The following ATP6V1H variants were observed in gnomAD, a reference collection of about 807,000 sequenced individuals.
The protein encoded by ATP6V1H is V-type proton ATPase subunit H.
In ATP6V1H, 39 loss-of-function variants were observed where a neutral mutation model predicts 71.7. The ratio of observed to expected loss-of-function variants is 0.54; its 90% CI spans 0.42 to 0.71. The LOEUF (loss-of-function observed/expected upper bound fraction) is 0.71. Ranked by LOEUF, ATP6V1H falls within the 30% of genes least tolerant of loss-of-function variation. The pLI, the probability that ATP6V1H is intolerant of heterozygous loss-of-function variation, is 0.00. For synonymous variants in ATP6V1H, 192 were observed against 199.3 expected (o/e 0.96, Z 0.31); for missense variants, 509 against 594.9 (o/e 0.86, Z 1.50).
At chr8:53,829,660 G>A (rs963294601) in intron 3 of ATP6V1H, 127 bp from the exon 4 acceptor site, 9 of 581,004 alleles carry the variant, frequency 1.5e-5, no homozygotes, top group African/African-American at 1.5e-4. Context: ...TTTACTTACA[G>A]AAAACATATA....
chr8:53,841,825 C>A, intron 1 of ATP6V1H, 100 bp from the exon 2 acceptor site: 1 of 1,094,962 alleles, frequency 9.1e-7, no homozygotes, highest in Non-Finnish European at 1.3e-6. Context: ...TTTAATCTCC[C>A]CAGGCATTCA....
At chr8:53,824,073 T>C (rs1028961420) in intron 4 of ATP6V1H, among the ~76,000 whole-genome samples, 2 of 151,126 alleles carry the variant, frequency 1.3e-5, no homozygotes, top group African/African-American at 4.8e-5. Context: ...AGAAAAAAAT[T>C]TGAAGCATAA....
chr8:53,837,832 G>A (rs1243344271), intron 2 of ATP6V1H, among the ~76,000 whole-genome samples: 4 of 152,286 alleles, frequency 2.6e-5, no homozygotes, highest in South Asian at 2.1e-4. Flanking sequence ...CAACATGCAC[G>A]AGGCAGGAAC....
chr8:53,747,877 C>T (rs942800269), intron 12 of ATP6V1H, among the ~76,000 whole-genome samples: 1 of 150,626 alleles, frequency 6.6e-6, no homozygotes, highest in Non-Finnish European at 1.5e-5. Flanking sequence ...TGGGAGAGGC[C>T]AGGCTCTGTG....
intron 4 of ATP6V1H, among the ~76,000 whole-genome samples, chr8:53,820,981 CAAA>C (rs749738155): frequency 5.5e-5 from 3 of 54,456 alleles, no homozygotes. Context: ...AACTCTGTCT[CAAA>C]AAAAAAAAAA....
At chr8:53,761,336 C>CAA (rs771733286) in intron 11 of ATP6V1H, among the ~76,000 whole-genome samples, 4 of 94,886 alleles carry the variant, frequency 4.2e-5, no homozygotes, top group African/African-American at 1.2e-4. Flanking sequence ...GACTCCGTCT[C>CAA]AAAAAAAAAA....
At chr8:53,832,072 AAATT>A (rs1478975236) in intron 3 of ATP6V1H, 2 of 152,192 alleles carry the variant, frequency 1.3e-5, no homozygotes, top group East Asian at 3.8e-4. Flanking sequence ...AAATAATAAT[AAATT>A]AATTATTTTA....
intron 11 of ATP6V1H, among the ~76,000 whole-genome samples, chr8:53,768,665 C>T (rs1208968164): frequency 6.6e-6 from 1 of 151,980 alleles, no homozygotes; most frequent in Admixed American, 6.6e-5. Context: ...CATTACAGTA[C>T]ATGAAAGAAG....
chr8:53,734,199 T>C (rs1807121014), intron 13 of ATP6V1H, among the ~76,000 whole-genome samples: 1 of 152,212 alleles, frequency 6.6e-6, no homozygotes, highest in African/African-American at 2.4e-5. Flanking sequence ...CCATTGAAGT[T>C]TGTAACACCC....
chr8:53,744,821 C>T (rs766012131), intron 12 of ATP6V1H, among the ~76,000 whole-genome samples: 4 of 152,046 alleles, frequency 2.6e-5, no homozygotes, highest in Non-Finnish European at 4.4e-5. Context: ...TCTAATATAT[C>T]AGCTCAGCCA....
intron 6 of ATP6V1H, among the ~76,000 whole-genome samples, chr8:53,813,497 C>G (rs1810352193): frequency 6.6e-6 from 1 of 152,130 alleles, no homozygotes; most frequent in African/African-American, 2.4e-5. Flanking sequence ...ATTGTTTCTC[C>G]TGGTCCCATT....
At chr8:53,763,608 C>A (rs983769743) in intron 11 of ATP6V1H, among the ~76,000 whole-genome samples, 1 of 152,002 alleles carries the variant, frequency 6.6e-6, no homozygotes, top group Admixed American at 6.5e-5. Context: ...ACCCAGATAG[C>A]CAAAATCATC....
chr8:53,826,520 C>A (rs1042494964), intron 4 of ATP6V1H, among the ~76,000 whole-genome samples: 2 of 151,784 alleles, frequency 1.3e-5, no homozygotes, highest in East Asian at 3.9e-4. Flanking sequence ...TGATTTCTGG[C>A]ATATTCTGTT....
In ATP6V1H at chr8:53,760,673, C is replaced by G. The variant is rs142028138; in HGVS notation, c.1176-4017G>C. Among the ~76,000 whole-genome samples the G allele has an allele frequency of 2.2e-3, 335 of 152,304 alleles. 2 individuals are homozygous for G. The highest frequency in any genetic ancestry group is 7.8e-3 in the African/African-American group (324 of 41,544). On this transcript the variant is annotated intron_variant, in intron 11 of 13. Transcript: ENST00000359530. ...AGGATCACGTTGCTGCAGACCCATA[C>G]AGATTCACAACTGGTAACAACCCCA...
intron 11 of ATP6V1H, among the ~76,000 whole-genome samples, chr8:53,763,446 A>G (rs1808346515): frequency 1.3e-5 from 2 of 152,242 alleles, no homozygotes; most frequent in Non-Finnish European, 2.9e-5. Flanking sequence ...AATACGATGT[A>G]AACAAATCAG....
chr8:53,824,107 T>C (rs1180038781), intron 4 of ATP6V1H, among the ~76,000 whole-genome samples: 5 of 151,960 alleles, frequency 3.3e-5, no homozygotes, highest in African/African-American at 9.7e-5. Flanking sequence ...TAGTCTTCTA[T>C]GAAAGTAAAT....
At chr8:53,732,736 AAAC>A (rs1807069095) in intron 13 of ATP6V1H, among the ~76,000 whole-genome samples, 3 of 152,138 alleles carry the variant, frequency 2.0e-5, no homozygotes, top group East Asian at 1.9e-4. Context: ...GAAATCCCAG[AAAC>A]AACAAGAGAA....
At chr8:53,749,921 G>T (rs1426491440) in intron 12 of ATP6V1H, among the ~76,000 whole-genome samples, 2 of 152,088 alleles carry the variant, frequency 1.3e-5, no homozygotes, top group African/African-American at 4.8e-5. Flanking sequence ...TAATCATCAG[G>T]GTGTGATTTC....
At chr8:53,750,186 T>TG (rs932825339) in intron 12 of ATP6V1H, among the ~76,000 whole-genome samples, 1 of 152,158 alleles carries the variant, frequency 6.6e-6, no homozygotes, top group Non-Finnish European at 1.5e-5. Flanking sequence ...AATTTGCAAC[T>TG]GGGGGGCAAT....
Sources: gnomAD v4.1 joint callset for allele counts (sites outside exome capture counted in the v4.1 genomes callset) on GRCh38, gnomAD v4.1.1 for gene constraint, MANE v1.5 for transcripts, NCBI Gene and HGNC (gene_info 2026-07-23, HGNC 2026-07-21) for gene names.